The following XPNPEP3 variants were observed in gnomAD, a reference collection of about 807,000 sequenced individuals.
The protein encoded by XPNPEP3 is X-prolyl aminopeptidase 3.
In XPNPEP3, 41 loss-of-function variants were observed where a neutral mutation model predicts 60.0. The observed-to-expected ratio is 0.68, with a 90% CI of 0.53 to 0.89. The LOEUF (loss-of-function observed/expected upper bound fraction) is 0.89, where lower values mean the gene tolerates loss of function less well. Among genes scored for constraint, XPNPEP3 ranks in the 40% least tolerant of loss-of-function variants. XPNPEP3 has a pLI of 0.00. For synonymous variants in XPNPEP3, 212 were observed against 223.2 expected (o/e 0.95, Z 0.45); for missense variants, 598 against 638.9 (o/e 0.94, Z 0.69).
chr22:40,873,098 CTTTTTT>C (rs138353), intron 2 of XPNPEP3, among the ~76,000 whole-genome samples: 6 of 88,502 alleles, frequency 6.8e-5, no homozygotes, highest in African/African-American at 8.8e-5. Context: ...TTTTCTTTTT[CTTTTTT>C]TTTTTTTTTT....
chr22:40,896,834 A>G lies in XPNPEP3; in HGVS notation c.792+10319A>G, dbSNP rs145062642. On this transcript the variant is annotated intron_variant, in intron 4 of 9. Coordinates refer to ENST00000357137, the MANE Select transcript of XPNPEP3 (RefSeq NM_022098.4). ...TCTTCCCTCCTCCCAGCCCCTGGTA[A>G]CTTTTACTTTTTCTGTGACTCTGCC... Among the ~76,000 whole-genome samples, 648 of 152,194 alleles carry G rather than the reference A, an allele frequency of 4.3e-3. 3 individuals are homozygous for G. Among genetic ancestry groups the G allele is most frequent in the African/African-American group, 0.015 (607 of 41,524 alleles).
rs374615018 is a variant in XPNPEP3, at chr22:40,909,152, G to C, written c.886G>C (p.Asp296His). The C allele has an allele frequency of 5.0e-6, 8 of 1,614,188 alleles. No homozygotes were observed. The highest frequency in any genetic ancestry group is 5.9e-6 in the Non-Finnish European group (7 of 1,180,034). ...FEFECRARGA[D>H]ILAYPPVVAG... ...ATTTGAATGCCGGGCTCGTGGCGCAGACATTTTAGCCTATCCACCTGTGGT... is the reference window on the plus strand; with the variant it reads ...ATTTGAATGCCGGGCTCGTGGCGCACACATTTTAGCCTATCCACCTGTGGT... The change falls in exon 6 of 10, where the codon GAC becomes CAC. Residue 296 changes from aspartate to histidine, a missense_variant. Transcript: ENST00000357137.
intron 2 of XPNPEP3, among the ~76,000 whole-genome samples, chr22:40,873,223 G>T (rs559642694): frequency 1.1e-4 from 16 of 147,352 alleles, no homozygotes; most frequent in African/African-American, 4.0e-4. Flanking sequence ...TCCTGCCTCA[G>T]CCTCCAGAGT....
chr22:40,897,791 T>A (rs1330850803), intron 4 of XPNPEP3, among the ~76,000 whole-genome samples: 1 of 152,212 alleles, frequency 6.6e-6, no homozygotes, highest in African/African-American at 2.4e-5. Context: ...TTAATGAGTG[T>A]GAAATGACAT....
intron 4 of XPNPEP3, among the ~76,000 whole-genome samples, chr22:40,904,686 A>G (rs546999283): frequency 2.4e-4 from 36 of 152,236 alleles, no homozygotes; most frequent in Non-Finnish European, 5.0e-4. Flanking sequence ...TTTAGGTTTC[A>G]TGCTAAAAAT....
intron 2 of XPNPEP3, among the ~76,000 whole-genome samples, chr22:40,877,290 A>G (rs1335632259): frequency 1.3e-5 from 2 of 152,214 alleles, no homozygotes. Flanking sequence ...GTAATAGTTT[A>G]TTAATTACTT....
At chr22:40,912,098 G>A (rs1014308647) in intron 6 of XPNPEP3, among the ~76,000 whole-genome samples, 1 of 151,956 alleles carries the variant, frequency 6.6e-6, no homozygotes, top group Non-Finnish European at 1.5e-5. Context: ...TCATAAAAAT[G>A]TTATTTATGT....
intron 2 of XPNPEP3, among the ~76,000 whole-genome samples, chr22:40,876,404 A>C (rs985246373): frequency 6.6e-6 from 1 of 152,236 alleles, no homozygotes; most frequent in Non-Finnish European, 1.5e-5. Context: ...TGTAGTGCTA[A>C]GTGTTACGTT....
intron 7 of XPNPEP3, among the ~76,000 whole-genome samples, chr22:40,919,778 G>A (rs186151399): frequency 8.2e-4 from 125 of 152,294 alleles, no homozygotes; most frequent in Non-Finnish European, 1.5e-3. Context: ...TCCATCAACA[G>A]GAGAATGAAT....
chr22:40,882,737 C>G (rs1174776374), intron 3 of XPNPEP3, among the ~76,000 whole-genome samples: 1 of 152,004 alleles, frequency 6.6e-6, no homozygotes, highest in Non-Finnish European at 1.5e-5. Flanking sequence ...GAGCAAGACT[C>G]CATCTCAAAA....
At chr22:40,916,111 G>C (rs2058195099) in intron 7 of XPNPEP3, among the ~76,000 whole-genome samples, 1 of 151,978 alleles carries the variant, frequency 6.6e-6, no homozygotes, top group Non-Finnish European at 1.5e-5. Flanking sequence ...TGGCCAAAAT[G>C]TGAAACCCTG....
Position 40,926,635 on chromosome 22 carries a change from G to C in XPNPEP3, c.*200G>C, listed in dbSNP as rs1428827408. The C allele has an allele frequency of 1.6e-6, 1 of 641,902 alleles. No homozygotes were observed. The highest frequency in any genetic ancestry group is 1.8e-5 in the African/African-American group (1 of 54,908). 39.8% of individuals were successfully genotyped at this position (641,902 alleles called of 1,614,324 possible). A position where few individuals can be genotyped will look rare whatever the true frequency, so the allele number is the denominator to read the frequency against. ...TAGAAGTCTGGGAAAATGAATTTTT[G>C]AATAGTATGTTACTGCAGCTTTGGT... On this transcript the variant is annotated 3_prime_UTR_variant, in exon 10 of 10. Transcript: ENST00000357137.
intron 2 of XPNPEP3, chr22:40,870,182 A>G (rs1422356246): frequency 2.4e-6 from 1 of 422,608 alleles, no homozygotes; most frequent in African/African-American, 2.1e-5. Context: ...TTTAGTATTT[A>G]TCTACCCTAT....
chr22:40,865,061 C>G (rs986821510), intron 1 of XPNPEP3, among the ~76,000 whole-genome samples: 1 of 152,140 alleles, frequency 6.6e-6, no homozygotes, highest in Non-Finnish European at 1.5e-5. Flanking sequence ...GCAGTTATAC[C>G]CTTCTTTGTT....
At chr22:40,905,335 G>A (rs966059180) in intron 4 of XPNPEP3, among the ~76,000 whole-genome samples, 8 of 152,070 alleles carry the variant, frequency 5.3e-5, no homozygotes, top group Admixed American at 2.0e-4. Flanking sequence ...CGCCTCGGCC[G>A]CCTGAAGTGC....
chr22:40,903,540 G>A (rs986941233), intron 4 of XPNPEP3, among the ~76,000 whole-genome samples: 10 of 151,478 alleles, frequency 6.6e-5, no homozygotes, highest in Non-Finnish European at 1.0e-4. Flanking sequence ...GCCCAGGCTG[G>A]AGTGCAGTGG....
rs142500943 is a variant in XPNPEP3 at position 40,877,194 on chromosome 22, C to G, written c.182-4576C>G. On this transcript the variant is annotated intron_variant, in intron 2 of 9. Transcript: ENST00000357137. ...AAATCTATTTAGAGTATTTTTTATT[C>G]AGTCATTGCATTTTTTCTGAGAGGC... is the stretch of plus-strand genomic sequence containing the variant. Among the ~76,000 whole-genome samples the G allele has an allele frequency of 1.5e-3, 221 of 152,038 alleles. 8 individuals carry two copies. In the East Asian group the frequency reaches 0.033, roughly 22 times the overall value.
chr22:40,911,846 A>G (rs1183808717), intron 6 of XPNPEP3, among the ~76,000 whole-genome samples: 1 of 152,068 alleles, frequency 6.6e-6, no homozygotes, highest in Non-Finnish European at 1.5e-5. Flanking sequence ...GTCCTATTGT[A>G]ATTCCTATAG....
chr22:40,896,801 C>A (rs1383865917), intron 4 of XPNPEP3, among the ~76,000 whole-genome samples: 2 of 152,038 alleles, frequency 1.3e-5, no homozygotes, highest in East Asian at 3.9e-4. Flanking sequence ...TAAATAATAA[C>A]TTCCCATTCT....
Sources: allele counts gnomAD v4.1 joint callset (sites outside exome capture counted in the v4.1 genomes callset), GRCh38; gene constraint gnomAD v4.1.1; transcripts MANE v1.5; gene names NCBI Gene and HGNC (gene_info 2026-07-23, HGNC 2026-07-21).